SEMA3A: variants seen among roughly 807,000 people sequenced by gnomAD.
The protein encoded by SEMA3A is semaphorin 3A.
A neutral mutation model predicts 97.9 loss-of-function variants in SEMA3A; 29 were observed. The ratio of observed to expected loss-of-function variants is 0.30; its 90% CI spans 0.22 to 0.40. The LOEUF (loss-of-function observed/expected upper bound fraction) is 0.40. Among genes scored for constraint, SEMA3A ranks in the 10% least tolerant of loss-of-function variants. The pLI, the probability that SEMA3A is intolerant of heterozygous loss-of-function variation, is 1.00. For synonymous variants in SEMA3A, 321 were observed against 323.7 expected (o/e 0.99, Z 0.09); for missense variants, 763 against 951.3 (o/e 0.80, Z 2.60).
intron 3 of SEMA3A, among the ~76,000 whole-genome samples, chr7:84,297,435 C>T (rs1800900278): frequency 6.6e-6 from 1 of 152,006 alleles, no homozygotes; most frequent in African/African-American, 2.4e-5. Flanking sequence ...TTGTCCTTAA[C>T]AAAGAAAGCT....
chr7:84,484,357 A>G (rs924444120), intron 1 of SEMA3A, among the ~76,000 whole-genome samples: 1 of 152,064 alleles, frequency 6.6e-6, no homozygotes, highest in Non-Finnish European at 1.5e-5. Context: ...AAATGCATAT[A>G]TTTTTCTTGT....
intron 12 of SEMA3A, among the ~76,000 whole-genome samples, chr7:83,991,469 C>G (rs1789931197): frequency 6.6e-6 from 1 of 150,412 alleles, no homozygotes; most frequent in African/African-American, 2.4e-5. Flanking sequence ...TCATAGATAG[C>G]TCTTATTATT....
intron 1 of SEMA3A, among the ~76,000 whole-genome samples, chr7:84,457,475 CA>C (rs1306007614): frequency 6.6e-6 from 1 of 151,590 alleles, no homozygotes; most frequent in Non-Finnish European, 1.5e-5. Flanking sequence ...TGTGAAAATT[CA>C]AAAATAGTGC....
rs553657669 is a variant in SEMA3A, at chr7:84,280,747, C to A, written c.-83+26460G>T. ...AGTGACTTGAGATCGCCACTGCACT[C>A]CAGCCTGGGTGACAAAGTGAGACTC... is the stretch of plus-strand genomic sequence containing the variant. On this transcript the variant is annotated intron_variant, in intron 3 of 3. Transcript: ENST00000424555. Among the ~76,000 whole-genome samples the A allele has an allele frequency of 3.3e-5, 5 of 151,980 alleles. No homozygotes were observed. In the East Asian group the frequency reaches 9.7e-4, roughly 29 times the overall value.
upstream of SEMA3A, chr7:84,195,157 A>C (rs1798191459): frequency 6.6e-6 from 1 of 152,220 alleles, no homozygotes; most frequent in African/African-American, 2.4e-5. Context: ...TGACAATGGG[A>C]GAACAGGCGA....
At chr7:84,267,857 C>A (rs1428149002) in intron 3 of SEMA3A, among the ~76,000 whole-genome samples, 1 of 152,056 alleles carries the variant, frequency 6.6e-6, no homozygotes, top group Non-Finnish European at 1.5e-5. Flanking sequence ...TTTAAGGCAG[C>A]AAAACTTTAT....
intron 1 of SEMA3A, among the ~76,000 whole-genome samples, chr7:84,372,687 G>A (rs1803002644): frequency 6.6e-6 from 1 of 152,068 alleles, no homozygotes; most frequent in South Asian, 2.1e-4. Flanking sequence ...TGCCCTCTCT[G>A]TCTCAGGAAA....
At chr7:84,103,520 A>G (rs1795017286) in intron 4 of SEMA3A, among the ~76,000 whole-genome samples, 2 of 152,224 alleles carry the variant, frequency 1.3e-5, no homozygotes, top group Non-Finnish European at 2.9e-5. Flanking sequence ...ACTGAGAGAT[A>G]ACTTACTGAT....
At chr7:83,990,262 G>C (rs973245843) in intron 12 of SEMA3A, among the ~76,000 whole-genome samples, 2 of 152,124 alleles carry the variant, frequency 1.3e-5, no homozygotes, top group African/African-American at 2.4e-5. Flanking sequence ...CTCCCATTTT[G>C]TAGGTTGCCT....
At chr7:84,051,851 C>A (rs1156316498) in intron 5 of SEMA3A, among the ~76,000 whole-genome samples, 2 of 151,240 alleles carry the variant, frequency 1.3e-5, no homozygotes, top group East Asian at 3.9e-4. Flanking sequence ...GTGGGTTTGT[C>A]ATAGATAGCT....
intron 1 of SEMA3A, among the ~76,000 whole-genome samples, chr7:84,402,618 A>T (rs778811291): frequency 6.6e-6 from 1 of 152,204 alleles, no homozygotes; most frequent in African/African-American, 2.4e-5. Context: ...ATGTATGAAG[A>T]TAATGTGGTG....
intron 3 of SEMA3A, among the ~76,000 whole-genome samples, chr7:84,255,491 C>G (rs954168322): frequency 6.6e-6 from 1 of 152,132 alleles, no homozygotes; most frequent in Middle Eastern, 3.2e-3. Context: ...AGGAACACAT[C>G]TGTTACCCAC....
At chr7:84,046,952 T>G (rs1423228507) in intron 5 of SEMA3A, among the ~76,000 whole-genome samples, 2 of 152,078 alleles carry the variant, frequency 1.3e-5, no homozygotes, top group Non-Finnish European at 2.9e-5. Flanking sequence ...TAATGAGATT[T>G]TGCTATGATT....
At chr7:84,447,304 T>G (rs888029946) in intron 1 of SEMA3A, among the ~76,000 whole-genome samples, 3 of 152,052 alleles carry the variant, frequency 2.0e-5, no homozygotes, top group African/African-American at 7.2e-5. Flanking sequence ...GATTGATTGG[T>G]AACAGGAGGC....
intron 1 of SEMA3A, among the ~76,000 whole-genome samples, chr7:84,465,204 GT>G (rs1160732184): frequency 1.3e-5 from 2 of 152,092 alleles, no homozygotes; most frequent in Non-Finnish European, 2.9e-5. Context: ...TACAACCAGT[GT>G]TTTCTAATTG....
At chr7:84,452,688 A>C (rs1321797604) in intron 1 of SEMA3A, among the ~76,000 whole-genome samples, 1 of 152,202 alleles carries the variant, frequency 6.6e-6, no homozygotes, top group Non-Finnish European at 1.5e-5. Flanking sequence ...ACAACTATGT[A>C]TTTTGCCACA....
At chr7:84,483,975 C>T (rs574732039) in intron 1 of SEMA3A, among the ~76,000 whole-genome samples, 8 of 151,066 alleles carry the variant, frequency 5.3e-5, no homozygotes, top group Admixed American at 1.3e-4. Flanking sequence ...ACCCAGGAGG[C>T]GGAGGTTGCA....
rs1254252072 is a variant in SEMA3A, at chr7:83,956,845, CTGAT to C, written c.*4522_*4525del. On this transcript the variant is annotated 3_prime_UTR_variant, in exon 17 of 17. Coordinates refer to ENST00000265362, the MANE Select transcript of SEMA3A (RefSeq NM_006080.3). The stretch of plus-strand genomic sequence containing the variant: ...TGTTTCTTCATCTAGGCATATCTGA[CTGAT>C]TCACAGCTGGAAAGTCACTTATTCT... The C allele has an allele frequency of 1.3e-5, 2 of 152,068 alleles. No homozygotes were observed. Among genetic ancestry groups the C allele is most frequent in the East Asian group, 3.9e-4 (2 of 5,176 alleles). The allele number at this position is 152,068 out of a possible 1,614,324, so 9.4% of individuals were successfully genotyped here. A position where few individuals can be genotyped will look rare whatever the true frequency, so the allele number is the denominator to read the frequency against.
At chr7:84,222,523 G>A (rs1257672691) in intron 3 of SEMA3A, among the ~76,000 whole-genome samples, 3 of 151,802 alleles carry the variant, frequency 2.0e-5, no homozygotes, top group Non-Finnish European at 4.4e-5. Flanking sequence ...TTAGCAATTG[G>A]CATAACTGTT....
Sources: allele counts gnomAD v4.1 joint callset (sites outside exome capture counted in the v4.1 genomes callset), GRCh38; gene constraint gnomAD v4.1.1; transcripts MANE v1.5; gene names NCBI Gene and HGNC (gene_info 2026-07-23, HGNC 2026-07-21).